PSKH1: variants seen among roughly 807,000 people sequenced by gnomAD.
The protein encoded by PSKH1 is serine/threonine-protein kinase H1.
In PSKH1, 12 loss-of-function variants were observed where a neutral mutation model predicts 26.7. The ratio of observed to expected loss-of-function variants is 0.45; its 90% CI spans 0.29 to 0.73. The LOEUF (loss-of-function observed/expected upper bound fraction) is 0.73, where lower values mean the gene tolerates loss of function less well. PSKH1 is among the 30% of genes least tolerant of loss of function. The pLI is 0.11. For missense variants in PSKH1, 431 were observed against 595.2 expected (o/e 0.72, Z 2.87); for synonymous variants, 213 against 234.3 (o/e 0.91, Z 0.83).
At position 67,927,619 on chromosome 16, in the gene PSKH1, TACCAGCAGCAATACAA is replaced by T; in HGVS notation, c.1253_1268del (p.Tyr418LeufsTer161). The stretch of plus-strand genomic sequence containing the variant: ...GGAGCTGCGGGAGCTCAACCTGCGC[TACCAGCAGCAATACAA>T]TGGCTGAGCCGCCTGGCTGTGCACA... On this transcript the variant is annotated frameshift_variant, in exon 3 of 3. Transcript: ENST00000291041. LOFTEE classifies it high-confidence loss of function. This position sits in a 1 kb window ranked among gnomAD's most constrained non-coding sequence, Gnocchi z 5.5. The T allele has an allele frequency of 6.2e-7, 1 of 1,607,906 alleles. No individual in the cohort carries two copies.
At chr16:67,906,452 C>T (rs1035451848) in intron 1 of PSKH1, among the ~76,000 whole-genome samples, 1 of 151,114 alleles carries the variant, frequency 6.6e-6, no homozygotes. Context: ...CTGCAACCTC[C>T]ACCAGGTTCA....
intron 2 of PSKH1, among the ~76,000 whole-genome samples, chr16:67,912,436 A>G (rs2058175824): frequency 6.6e-6 from 1 of 152,154 alleles, no homozygotes; most frequent in Admixed American, 6.6e-5. Flanking sequence ...TGATAGAGGG[A>G]ACAATTTAAA....
chr16:67,926,383 G>T (rs1345460804), intron 2 of PSKH1, among the ~76,000 whole-genome samples: 1 of 152,352 alleles, frequency 6.6e-6, no homozygotes, highest in African/African-American at 2.4e-5. Flanking sequence ...AGCTCAGCAT[G>T]ATCTCATGGG....
chr16:67,900,919 A>C (rs931065948), intron 1 of PSKH1, among the ~76,000 whole-genome samples: 3 of 152,086 alleles, frequency 2.0e-5, no homozygotes, highest in Non-Finnish European at 4.4e-5. Context: ...GGGCACACAC[A>C]AGAGATGCTG....
rs972979552 is a variant in PSKH1, at chr16:67,903,860, T to C, written c.-70-4820T>C. ...ACACTCTTTTTTTTTTTTTTTTTTT[T>C]CCTTTTTGAAACAGGGTCTTTCTCT... is the stretch of plus-strand genomic sequence containing the variant. On this transcript the variant is annotated intron_variant, in intron 1 of 2. Coordinates refer to ENST00000291041, the MANE Select transcript of PSKH1 (RefSeq NM_006742.3). Among the ~76,000 whole-genome samples, 330 of 148,230 alleles carry C rather than the reference T, an allele frequency of 2.2e-3. 1 individual carries two copies. Among genetic ancestry groups the C allele is most frequent in the South Asian group, 4.3e-3 (20 of 4,608 alleles).
chr16:67,925,227 C>T lies in PSKH1; in HGVS notation c.958-2098C>T, dbSNP rs185618232. On this transcript the variant is annotated intron_variant, in intron 2 of 2. Transcript: ENST00000291041. ...TTTTTTTTTTTTTGAGACGGAGTCT[C>T]GCTCTGTTGCCAGGCTGGAGTGCAG... 4.1e-3 allele frequency among the ~76,000 whole-genome samples: 612 copies of T among 150,536 alleles called. 2 individuals are homozygous for T. Among genetic ancestry groups the T allele is most frequent in the African/African-American group, 0.014 (589 of 40,990 alleles).
intron 2 of PSKH1, among the ~76,000 whole-genome samples, chr16:67,912,556 G>T (rs945744610): frequency 1.3e-5 from 2 of 152,190 alleles, no homozygotes; most frequent in African/African-American, 4.8e-5. Context: ...ACAATCTGTG[G>T]CTATAAACTG....
At chr16:67,900,826 T>C (rs1257376273) in intron 1 of PSKH1, among the ~76,000 whole-genome samples, 1 of 152,172 alleles carries the variant, frequency 6.6e-6, no homozygotes, top group East Asian at 1.9e-4. Context: ...GATGACATAC[T>C]GTGACACTCC....
rs890119947 is a variant in PSKH1 at position 67,927,031 on chromosome 16, CG to C, written c.958-287del. ...AGTTATGATACTCCTGGGACAAGTT[CG>C]GGGGGGTCTTGGCAGAGGCCATCTC... On this transcript the variant is annotated intron_variant, in intron 2 of 2. Coordinates refer to ENST00000291041, the MANE Select transcript of PSKH1 (RefSeq NM_006742.3). This position sits in a 1 kb window ranked among gnomAD's most constrained non-coding sequence, Gnocchi z 5.5. 1.3e-5 allele frequency among the ~76,000 whole-genome samples: 2 copies of C among 152,080 alleles called. No homozygotes were observed. Among genetic ancestry groups the C allele is most frequent in the Non-Finnish European group, 2.9e-5 (2 of 68,014 alleles).
chr16:67,906,562 A>T (rs1456353037), intron 1 of PSKH1, among the ~76,000 whole-genome samples: 1 of 151,638 alleles, frequency 6.6e-6, no homozygotes, highest in Non-Finnish European at 1.5e-5. Flanking sequence ...ATGGAGTTTC[A>T]CCATGTTGGC....
Position 67,909,116 on chromosome 16 carries a change from C to T in PSKH1, c.367C>T (p.Pro123Ser). 6.2e-7 allele frequency: 1 copy of T among 1,613,558 alleles called. No individual in the cohort carries two copies. Among genetic ancestry groups the T allele is most frequent in the Non-Finnish European group, 8.5e-7 (1 of 1,179,818 alleles). Residue 123 changes from proline to serine, a missense_variant, in exon 2 of 3, where the codon CCG becomes TCG. Transcript: ENST00000291041. The surrounding 1 kb of genome is among the most constrained non-coding windows in gnomAD (Gnocchi z 7.8). ...VRVEHRATRQ[P>S]YAIKMIETKY... Reference sequence around the variant, plus strand: ...TGTAGAGCACCGGGCAACCCGGCAGCCGTATGCCATCAAGATGATTGAGAC... The same window carrying T: ...TGTAGAGCACCGGGCAACCCGGCAGTCGTATGCCATCAAGATGATTGAGAC...
chr16:67,919,987 C>T (rs2151314412), intron 2 of PSKH1, among the ~76,000 whole-genome samples: 1 of 152,334 alleles, frequency 6.6e-6, no homozygotes, highest in South Asian at 2.1e-4. Context: ...TGCTGACCAC[C>T]CATAGCATCA....
At chr16:67,908,404 G>A (rs986151901) in intron 1 of PSKH1, among the ~76,000 whole-genome samples, 1 of 152,152 alleles carries the variant, frequency 6.6e-6, no homozygotes, top group African/African-American at 2.4e-5. Context: ...CGAGTAGGTG[G>A]GATTACAGAT....
At chr16:67,898,848 C>T (rs922820543) in intron 1 of PSKH1, among the ~76,000 whole-genome samples, 1 of 152,050 alleles carries the variant, frequency 6.6e-6, no homozygotes, top group Non-Finnish European at 1.5e-5. Flanking sequence ...GTCTTGAACT[C>T]CTGACCTCGT....
intron 1 of PSKH1, among the ~76,000 whole-genome samples, chr16:67,896,639 T>G (rs2058127422): frequency 6.9e-6 from 1 of 145,860 alleles, no homozygotes; most frequent in Non-Finnish European, 1.5e-5. Flanking sequence ...GCCTCCCGGG[T>G]TCAAGCGATT....
At chr16:67,910,521 C>T (rs2058170444) in intron 2 of PSKH1, among the ~76,000 whole-genome samples, 1 of 152,194 alleles carries the variant, frequency 6.6e-6, no homozygotes, top group South Asian at 2.1e-4. Flanking sequence ...TGGAGTCTTG[C>T]TCTGTTGCCC....
intron 1 of PSKH1, among the ~76,000 whole-genome samples, chr16:67,904,841 T>C (rs1396960022): frequency 6.6e-6 from 1 of 150,438 alleles, no homozygotes; most frequent in East Asian, 1.9e-4. Flanking sequence ...TTTTTTTTTT[T>C]TTTGAGACAA....
At chr16:67,917,537 C>G (rs541331930) in intron 2 of PSKH1, among the ~76,000 whole-genome samples, 1 of 152,318 alleles carries the variant, frequency 6.6e-6, no homozygotes, top group African/African-American at 2.4e-5. Flanking sequence ...TAAGTGATAA[C>G]TGGTGGGGGA....
intron 2 of PSKH1, among the ~76,000 whole-genome samples, chr16:67,917,032 C>T (rs1186776709): frequency 1.3e-5 from 2 of 152,234 alleles, no homozygotes; most frequent in Admixed American, 1.3e-4. Context: ...CAACTGTTCA[C>T]GCTGCTCCCA....
Sources: gnomAD v4.1 joint callset for allele counts (sites outside exome capture counted in the v4.1 genomes callset) on GRCh38, gnomAD v4.1.1 for gene constraint, Gnocchi (gnomAD v3.1) non-coding constraint, MANE v1.5 for transcripts, NCBI Gene and HGNC (gene_info 2026-07-23, HGNC 2026-07-21) for gene names.